CPNE4: variants seen among roughly 807,000 people sequenced by gnomAD.
The protein encoded by CPNE4 is copine 4.
CPNE4 carries 25 observed loss-of-function variants against 67.9 expected under a neutral mutation model. That is an observed-to-expected ratio of 0.37 (90% confidence interval 0.27 to 0.51). The LOEUF (loss-of-function observed/expected upper bound fraction) is 0.51. CPNE4 is among the 20% of genes least tolerant of loss of function. The pLI, the probability that CPNE4 is intolerant of heterozygous loss-of-function variation, is 0.93. For synonymous variants in CPNE4, 242 were observed against 244.9 expected, an observed-to-expected ratio of 0.99 and a Z score of 0.11; for missense variants, 464 against 690.8, an observed-to-expected ratio of 0.67 and a Z score of 3.68.
At chr3:131,548,544 T>C (rs546479581) in intron 14 of CPNE4, among the ~76,000 whole-genome samples, 3 of 152,042 alleles carry the variant, frequency 2.0e-5, no homozygotes, top group African/African-American at 4.8e-5. Context: ...GGTTGAGAGT[T>C]GAGAAGAGAT....
chr3:131,920,345 G>A (rs987213831), intron 1 of CPNE4, among the ~76,000 whole-genome samples: 20 of 151,810 alleles, frequency 1.3e-4, no homozygotes, highest in African/African-American at 4.1e-4. Flanking sequence ...AAATTTTCAC[G>A]ACCTCCCCCT....
Position 131,654,764 on chromosome 3 carries a change from G to A in CPNE4, c.681+14911C>T, listed in dbSNP as rs142025337. 1.1e-4 allele frequency among the ~76,000 whole-genome samples: 17 copies of A among 152,286 alleles called. No individual in the cohort carries two copies. In the East Asian group the frequency reaches 3.3e-3, roughly 29 times the overall value. On this transcript the variant is annotated intron_variant, in intron 7 of 15. Transcript: ENST00000429747. ...AAAGATACAATTGACTAGAGTAGTG[G>A]TTCTCAACAAGGGTGATTTGGCAGT...
chr3:131,577,665 T>C (rs754295942), intron 9 of CPNE4, among the ~76,000 whole-genome samples: 2 of 152,138 alleles, frequency 1.3e-5, no homozygotes, highest in Non-Finnish European at 2.9e-5. Flanking sequence ...GAAGTTGCTC[T>C]GAGTGAGTCA....
chr3:131,540,528 A>G (rs13060490), intron 15 of CPNE4, among the ~76,000 whole-genome samples: 21,815 of 152,170 alleles, frequency 0.14, 1,672 homozygotes, highest in African/African-American at 0.19. Context: ...TCAAGTATGT[A>G]TGGGGGTGGG....
At chr3:131,563,844 C>T (rs150768152) in intron 11 of CPNE4, among the ~76,000 whole-genome samples, 16 of 152,154 alleles carry the variant, frequency 1.1e-4, no homozygotes, top group Admixed American at 2.6e-4. Context: ...TTCTACGACT[C>T]TAAAGTATAC....
At chr3:132,026,631 T>C (rs1293258689) in intron 1 of CPNE4, among the ~76,000 whole-genome samples, 1 of 152,210 alleles carries the variant, frequency 6.6e-6, no homozygotes, top group Admixed American at 6.5e-5. Context: ...TGTGTATGTA[T>C]TTATATTTAT....
intron 1 of CPNE4, among the ~76,000 whole-genome samples, chr3:131,971,812 T>C (rs1202326422): frequency 6.6e-6 from 1 of 152,210 alleles, no homozygotes; most frequent in Non-Finnish European, 1.5e-5. Context: ...TTCCTGTAGC[T>C]GAGCTAAGGC....
chr3:132,004,282 T>C (rs2073532002), intron 1 of CPNE4, among the ~76,000 whole-genome samples: 1 of 152,152 alleles, frequency 6.6e-6, no homozygotes, highest in African/African-American at 2.4e-5. Context: ...TTTTTCGGTA[T>C]ATTTTTTAAA....
chr3:131,558,603 T>C (rs1936594641), intron 11 of CPNE4, among the ~76,000 whole-genome samples: 1 of 152,038 alleles, frequency 6.6e-6, no homozygotes, highest in South Asian at 2.1e-4. Context: ...AGGGAATGAC[T>C]ATTGTCAAAT....
chr3:131,994,625 T>C (rs1464625333), intron 1 of CPNE4, among the ~76,000 whole-genome samples: 1 of 152,230 alleles, frequency 6.6e-6, no homozygotes. Context: ...GTGTATTTCT[T>C]TGGGAGAACC....
chr3:131,932,633 G>A (rs982043161), intron 1 of CPNE4, among the ~76,000 whole-genome samples: 1 of 151,946 alleles, frequency 6.6e-6, no homozygotes, highest in South Asian at 2.1e-4. Flanking sequence ...ACATGAGTAG[G>A]AGTCAGCCAA....
chr3:131,559,641 A>G (rs1013984292), intron 11 of CPNE4, among the ~76,000 whole-genome samples: 2 of 152,054 alleles, frequency 1.3e-5, no homozygotes, highest in African/African-American at 4.8e-5. Flanking sequence ...TTTATTACAG[A>G]AATATACAGT....
intron 1 of CPNE4, among the ~76,000 whole-genome samples, chr3:131,932,543 T>A (rs1391391626): frequency 1.3e-5 from 2 of 152,042 alleles, no homozygotes; most frequent in African/African-American, 4.8e-5. Flanking sequence ...GTAAACAGCA[T>A]GATGAAATAT....
At chr3:131,730,570 G>A (rs1048107849) in intron 2 of CPNE4, among the ~76,000 whole-genome samples, 2 of 152,098 alleles carry the variant, frequency 1.3e-5, no homozygotes, top group African/African-American at 4.8e-5. Flanking sequence ...AATTAACTTA[G>A]GATAAGGTCA....
intron 2 of CPNE4, among the ~76,000 whole-genome samples, chr3:131,819,036 G>T (rs531823268): frequency 1.7e-4 from 26 of 152,286 alleles, no homozygotes; most frequent in African/African-American, 5.8e-4. Flanking sequence ...GGAGATGGAG[G>T]TTGCAGTGAG....
chr3:131,545,026 T>A (rs1482285076), intron 14 of CPNE4, among the ~76,000 whole-genome samples: 1 of 152,210 alleles, frequency 6.6e-6, no homozygotes, highest in Non-Finnish European at 1.5e-5. Flanking sequence ...GGAAACTATT[T>A]TTTGTCAAGG....
chr3:131,711,844 C>G (rs2081566017), intron 3 of CPNE4, among the ~76,000 whole-genome samples: 1 of 152,140 alleles, frequency 6.6e-6, no homozygotes, highest in South Asian at 2.1e-4. Context: ...ATTTTCAGTT[C>G]CAGAGATGTT....
chr3:131,834,113 A>G (rs540147905), intron 2 of CPNE4, among the ~76,000 whole-genome samples: 1 of 152,340 alleles, frequency 6.6e-6, no homozygotes, highest in East Asian at 1.9e-4. Context: ...GGCAATAAAT[A>G]TTTATATGTT....
chr3:131,692,728 A>C (rs1432431913), intron 5 of CPNE4, among the ~76,000 whole-genome samples: 1 of 152,144 alleles, frequency 6.6e-6, no homozygotes, highest in Non-Finnish European at 1.5e-5. Flanking sequence ...TTAGAGACAG[A>C]TTTGTTTACT....
Sources: gnomAD v4.1 joint callset for allele counts (sites outside exome capture counted in the v4.1 genomes callset) on GRCh38, gnomAD v4.1.1 for gene constraint, MANE v1.5 for transcripts, NCBI Gene and HGNC (gene_info 2026-07-23, HGNC 2026-07-21) for gene names.